The following DNAI3 variants were observed in gnomAD, a reference collection of about 807,000 sequenced individuals.
The protein encoded by DNAI3 is WD repeat domain 63.
In DNAI3, 83 loss-of-function variants were observed where a neutral mutation model predicts 115.5. The observed-to-expected ratio is 0.72, with a 90% CI of 0.60 to 0.86. The LOEUF is 0.86. Ranked by LOEUF, DNAI3 falls within the 40% of genes least tolerant of loss-of-function variation. The probability of loss-of-function intolerance (pLI) is 0.00; values close to 1 mark genes in which losing one functional copy is unlikely to be tolerated. For synonymous variants in DNAI3, 320 were observed against 347.0 expected, an observed-to-expected ratio of 0.92 and a Z score of 0.86; for missense variants, 1,004 against 1,075.8, an observed-to-expected ratio of 0.93 and a Z score of 0.93.
chr1:85,128,562 T>C, intron 20 of DNAI3, 146 bp from the exon 21 acceptor site: 2 of 641,068 alleles, frequency 3.1e-6, no homozygotes, highest in South Asian at 3.9e-5. Flanking sequence ...GGTCCAGCCA[T>C]GAACATCTGA....
intron 13 of DNAI3, among the ~76,000 whole-genome samples, chr1:85,103,707 C>G (rs751252400): frequency 3.3e-5 from 5 of 151,762 alleles, no homozygotes; most frequent in Admixed American, 3.3e-4. Context: ...GCCAACATAG[C>G]GAAACCCCGT....
At chr1:85,083,514 T>C (rs1654692223) in intron 5 of DNAI3, among the ~76,000 whole-genome samples, 1 of 151,928 alleles carries the variant, frequency 6.6e-6, no homozygotes, top group South Asian at 2.1e-4. Context: ...AAATAAAAGC[T>C]AACAGTTTAT....
At chr1:85,089,448 T>C in intron 7 of DNAI3, among the ~76,000 whole-genome samples, 1 of 147,298 alleles carries the variant, frequency 6.8e-6, no homozygotes, top group Admixed American at 6.9e-5. Context: ...TATGAGGTGT[T>C]CACATACAGA....
chr1:85,073,660 G>A (rs1212098269), intron 3 of DNAI3, among the ~76,000 whole-genome samples: 2 of 152,182 alleles, frequency 1.3e-5, no homozygotes, highest in African/African-American at 2.4e-5. Context: ...GGGGCAAGGA[G>A]GAAGACCTAA....
chr1:85,132,308 T>C (rs1656351928), intron 22 of DNAI3, among the ~76,000 whole-genome samples: 1 of 152,276 alleles, frequency 6.6e-6, no homozygotes, highest in African/African-American at 2.4e-5. Context: ...GTTGAGGCTG[T>C]ACAGTTCAAC....
chr1:85,079,418 T>C (rs933061776), intron 3 of DNAI3, among the ~76,000 whole-genome samples: 6 of 152,232 alleles, frequency 3.9e-5, no homozygotes, highest in African/African-American at 1.4e-4. Context: ...TATTGTATCA[T>C]AGAGCCCCTG....
At chr1:85,102,955 T>G (rs190539331) in intron 13 of DNAI3, among the ~76,000 whole-genome samples, 7 of 152,202 alleles carry the variant, frequency 4.6e-5, no homozygotes, top group Non-Finnish European at 1.0e-4. Context: ...GACTTCATTA[T>G]AGCAGAAAAG....
chr1:85,112,755 A>T (rs1279774339), intron 16 of DNAI3, among the ~76,000 whole-genome samples: 1 of 152,060 alleles, frequency 6.6e-6, no homozygotes, highest in African/African-American at 2.4e-5. Flanking sequence ...TTGCCCATTT[A>T]TCAGTTGGGT....
Position 85,088,189 on chromosome 1 carries a change from C to T in DNAI3, c.741-1927C>T, listed in dbSNP as rs188136230. On this transcript the variant is annotated intron_variant, in intron 7 of 22. Coordinates refer to ENST00000294664, the MANE Select transcript of DNAI3 (RefSeq NM_145172.5). Reference sequence around the variant, plus strand: ...GCCAGCCAGAGATTTATTTTATGTTCCTACTAGGGTACAGACAAGTACCAA... The same window carrying T: ...GCCAGCCAGAGATTTATTTTATGTTTCTACTAGGGTACAGACAAGTACCAA... 5.7e-4 allele frequency among the ~76,000 whole-genome samples: 87 copies of T among 152,044 alleles called. 1 individual carries two copies. The highest frequency in any genetic ancestry group is 1.9e-4 in the Non-Finnish European group (13 of 67,998).
At chr1:85,101,707 GAC>G (rs1655321158) in intron 13 of DNAI3, among the ~76,000 whole-genome samples, 1 of 101,394 alleles carries the variant, frequency 9.9e-6, no homozygotes, top group Non-Finnish European at 1.8e-5. Context: ...CAGCCTGGGC[GAC>G]AGAGCGAGAC....
At chr1:85,121,955 G>A (rs973270842) in intron 18 of DNAI3, 141 bp downstream of exon 18, 1 of 760,132 alleles carries the variant, frequency 1.3e-6, no homozygotes, top group Non-Finnish European at 2.1e-6. Context: ...TAAAGTGAAG[G>A]CCTTGAATAA....
At position 85,126,706 on chromosome 1, in the gene DNAI3, A is replaced by C. The variant is rs377121701; in HGVS notation, c.2308A>C (p.Ile770Leu). The change falls in exon 20 of 23, where the codon ATC becomes CTC. Residue 770 changes from isoleucine to leucine, a missense_variant. Physicochemically the swap from Ile to Leu is conservative, Grantham distance 5 (BLOSUM62 2). This residue lies in a region of DNAI3 where 429 missense variants were observed against 454.3 expected (regional missense o/e 0.94). Coordinates refer to ENST00000294664, the MANE Select transcript of DNAI3 (RefSeq NM_145172.5). ...ITMITYIKPWIFSSKQQFIAT... is the reference protein window; with the variant it reads ...ITMITYIKPWLFSSKQQFIAT... ...TATGATCACCTACATCAAACCCTGGATCTTTTCTTGTATGTTAATTCTAAC... is the reference window on the plus strand; with the variant it reads ...TATGATCACCTACATCAAACCCTGGCTCTTTTCTTGTATGTTAATTCTAAC... 6.2e-7 allele frequency: 1 copy of C among 1,614,100 alleles called. No individual in the cohort carries two copies. The highest frequency in any genetic ancestry group is 2.2e-5 in the East Asian group (1 of 44,882).
At chr1:85,063,873 C>G (rs1654014036) in intron 1 of DNAI3, among the ~76,000 whole-genome samples, 2 of 152,042 alleles carry the variant, frequency 1.3e-5, no homozygotes, top group Admixed American at 6.5e-5. Context: ...TTTATTTTCA[C>G]TAACCACCAA....
At chr1:85,104,736 TG>T (rs995519206) in intron 14 of DNAI3, 139 bp downstream of exon 14, 33 of 714,708 alleles carry the variant, frequency 4.6e-5, no homozygotes, top group Non-Finnish European at 6.8e-5. Context: ...AAGAATGTTA[TG>T]GATTGTTGCT....
rs1245512272 is a variant in DNAI3 at position 85,081,386 on chromosome 1, G to A, written c.256G>A (p.Asp86Asn). The change falls in exon 4 of 23, where the codon GAT becomes AAT. Residue 86 changes from aspartate (D) to asparagine (N), a missense_variant. Coordinates refer to ENST00000294664, the MANE Select transcript of DNAI3 (RefSeq NM_145172.5). ...EDLRNRAAVS[D>N]FHPVKKIVQE... ...CCTGCGCAACAGAGCTGCAGTATCT[G>A]ATTTCCACCCAGTCAAAAAAATTGT... 8.8e-6 allele frequency: 14 copies of A among 1,583,038 alleles called. No homozygotes were observed. The highest frequency in any genetic ancestry group is 1.2e-5 in the Non-Finnish European group (14 of 1,170,666).
At chr1:85,069,074 G>T (rs759457762) in intron 1 of DNAI3, among the ~76,000 whole-genome samples, 1 of 152,180 alleles carries the variant, frequency 6.6e-6, no homozygotes, top group Non-Finnish European at 1.5e-5. Flanking sequence ...AGATGTAGGG[G>T]TCATTTGTTA....
rs17121726 is a variant in DNAI3, at chr1:85,122,571, C to T, written c.1981+757C>T. Among the ~76,000 whole-genome samples, 436 of 152,226 alleles carry T rather than the reference C, an allele frequency of 2.9e-3. 3 individuals carry two copies. The highest frequency in any genetic ancestry group is 9.8e-3 in the African/African-American group (408 of 41,542). On this transcript the variant is annotated intron_variant, in intron 18 of 22. Coordinates refer to ENST00000294664, the MANE Select transcript of DNAI3 (RefSeq NM_145172.5). The stretch of plus-strand genomic sequence containing the variant: ...ACAGTTTGGGATAACCATAAGCAAA[C>T]GAAGAGGCAGCTCCTGGGACTGCTA...
chr1:85,094,348 G>A (rs1655066022), intron 9 of DNAI3, 83 bp from the exon 10 acceptor site: 1 of 1,551,214 alleles, frequency 6.4e-7, no homozygotes, highest in Non-Finnish European at 8.8e-7. Flanking sequence ...AATGAAGAGT[G>A]GCTGTGTAGA....
intron 13 of DNAI3, among the ~76,000 whole-genome samples, chr1:85,103,038 T>C (rs899570976): frequency 2.0e-5 from 3 of 152,102 alleles, no homozygotes; most frequent in African/African-American, 7.2e-5. Flanking sequence ...GCCACAGAGA[T>C]GTCCATCAGG....
Sources: gnomAD v4.1 joint callset for allele counts (sites outside exome capture counted in the v4.1 genomes callset) on GRCh38, gnomAD v4.1.1 for gene constraint, gnomAD v4.1.1 regional missense constraint, MANE v1.5 for transcripts, NCBI Gene and HGNC (gene_info 2026-07-23, HGNC 2026-07-21) for gene names.